TMC1: variants seen among roughly 807,000 people sequenced by gnomAD.
TMC1 encodes the protein transmembrane channel like 1, also known as transmembrane channel-like protein 1.
Under a neutral mutation model 105.8 loss-of-function variants are expected in TMC1, and 84 were observed. That is an observed-to-expected ratio of 0.79 (90% CI 0.67 to 0.95). TMC1 has a LOEUF of 0.95. TMC1 is among the 40% of genes least tolerant of loss of function. The pLI, the probability that TMC1 is intolerant of heterozygous loss-of-function variation, is 0.00. For synonymous variants in TMC1, 315 were observed against 311.5 expected (o/e 1.01, Z -0.12); for missense variants, 817 against 914.1 (o/e 0.89, Z 1.37).
At chr9:72,679,613 A>C (rs1459755193) in intron 5 of TMC1, among the ~76,000 whole-genome samples, 3 of 152,022 alleles carry the variant, frequency 2.0e-5, no homozygotes, top group African/African-American at 7.2e-5. Context: ...GAGAGCCTAC[A>C]CTCTGGTTCA....
At chr9:72,685,341 C>G (rs1243579102) in intron 5 of TMC1, among the ~76,000 whole-genome samples, 1 of 147,828 alleles carries the variant, frequency 6.8e-6, no homozygotes, top group African/African-American at 2.5e-5. Context: ...CTCCTGACCT[C>G]ATGATCCACC....
At chr9:72,799,115 A>G (rs1828425342) in intron 17 of TMC1, among the ~76,000 whole-genome samples, 1 of 152,104 alleles carries the variant, frequency 6.6e-6, no homozygotes. Flanking sequence ...GTATTTTTAT[A>G]CAAATCCAAT....
intron 20 of TMC1, among the ~76,000 whole-genome samples, chr9:72,825,610 CAGCTATG>C (rs1828939295): frequency 6.6e-6 from 1 of 152,154 alleles, no homozygotes; most frequent in Non-Finnish European, 1.5e-5. Flanking sequence ...CTACGTTCAT[CAGCTATG>C]ACCTGAGGTG....
At chr9:72,620,226 G>A (rs1825221967) in intron 3 of TMC1, among the ~76,000 whole-genome samples, 1 of 151,920 alleles carries the variant, frequency 6.6e-6, no homozygotes, top group Non-Finnish European at 1.5e-5. Context: ...AGTACAAAAT[G>A]TGGTTATGTT....
At chr9:72,707,884 T>C (rs1046016212) in intron 8 of TMC1, among the ~76,000 whole-genome samples, 1 of 152,234 alleles carries the variant, frequency 6.6e-6, no homozygotes, top group Non-Finnish European at 1.5e-5. Context: ...AGAATTTTTA[T>C]AGTTTCAAGT....
At chr9:72,580,684 T>C (rs970563235) in intron 2 of TMC1, among the ~76,000 whole-genome samples, 1 of 152,218 alleles carries the variant, frequency 6.6e-6, no homozygotes, top group Non-Finnish European at 1.5e-5. Context: ...AAAAACTTAC[T>C]GGCATTCTGC....
intron 23 of TMC1, among the ~76,000 whole-genome samples, chr9:72,833,964 T>G (rs1829080039): frequency 6.6e-6 from 1 of 152,092 alleles, no homozygotes; most frequent in African/African-American, 2.4e-5. Context: ...ATCAATGGAC[T>G]TTTGCTCTTT....
chr9:72,747,881 A>G (rs1827517782), intron 10 of TMC1, among the ~76,000 whole-genome samples: 1 of 152,198 alleles, frequency 6.6e-6, no homozygotes, highest in Non-Finnish European at 1.5e-5. Context: ...GGAGTGAGCC[A>G]CCGTGCCTGG....
chr9:72,778,766 T>C (rs1469547190), intron 13 of TMC1, among the ~76,000 whole-genome samples: 2 of 152,224 alleles, frequency 1.3e-5, no homozygotes, highest in Non-Finnish European at 2.9e-5. Flanking sequence ...CTGAGGTTCA[T>C]GCCAGGCTGT....
At chr9:72,647,858 G>A (rs192101148) in intron 4 of TMC1, among the ~76,000 whole-genome samples, 15 of 152,074 alleles carry the variant, frequency 9.9e-5, no homozygotes, top group Non-Finnish European at 1.8e-4. Flanking sequence ...GCCAGCGTCC[G>A]TACTCTCAAA....
intron 1 of TMC1, among the ~76,000 whole-genome samples, chr9:72,540,393 A>C (rs556940646): frequency 4.6e-5 from 7 of 152,180 alleles, no homozygotes; most frequent in Admixed American, 4.6e-4. Context: ...CCTAAGGTAC[A>C]ATGGCAGAGA....
chr9:72,707,435 T>C (rs570115914), intron 8 of TMC1, among the ~76,000 whole-genome samples: 87 of 152,304 alleles, frequency 5.7e-4, no homozygotes, highest in Non-Finnish European at 9.4e-4. Context: ...TTTTTTGATG[T>C]TTTGATTATG....
chr9:72,752,570 G>A (rs1827597877), intron 11 of TMC1, among the ~76,000 whole-genome samples: 1 of 152,096 alleles, frequency 6.6e-6, no homozygotes, highest in Admixed American at 6.5e-5. Flanking sequence ...ACAAAGCCCT[G>A]AGCTAATGTG....
chr9:72,802,333 A>G (rs1193705101), intron 17 of TMC1, among the ~76,000 whole-genome samples: 1 of 152,216 alleles, frequency 6.6e-6, no homozygotes, highest in Non-Finnish European at 1.5e-5. Flanking sequence ...TAGGAAGGAG[A>G]AAAATTATGT....
chr9:72,543,657 C>T (rs1471246213), intron 1 of TMC1, among the ~76,000 whole-genome samples: 6 of 152,128 alleles, frequency 3.9e-5, no homozygotes, highest in African/African-American at 1.4e-4. Flanking sequence ...GTGGTGGGTG[C>T]CTGTAATCCC....
rs145346236 is a variant in TMC1, at chr9:72,526,118, G to A, written c.-428+4205G>A. Among the ~76,000 whole-genome samples the A allele has an allele frequency of 3.9e-5, 6 of 152,340 alleles. No individual in the cohort carries two copies. In the East Asian group the frequency reaches 9.6e-4, roughly 24 times the overall value. On this transcript the variant is annotated intron_variant, in intron 1 of 23. Coordinates refer to ENST00000297784, the MANE Select transcript of TMC1 (RefSeq NM_138691.3). ...GCTTTGGGGGCTGGGGGCGTGGGGT[G>A]TAAGTGTGTGTGTCCTCTAGAAGAA...
At chr9:72,763,085 C>CTTTTTT (rs148498655) in intron 12 of TMC1, among the ~76,000 whole-genome samples, 50 of 109,416 alleles carry the variant, frequency 4.6e-4, no homozygotes, top group East Asian at 8.2e-4. Context: ...CTAGCGATGC[C>CTTTTTT]TTTTTTTTTT....
intron 8 of TMC1, among the ~76,000 whole-genome samples, chr9:72,704,086 T>C (rs896755140): frequency 2.6e-5 from 4 of 152,172 alleles, no homozygotes; most frequent in Admixed American, 1.3e-4. Flanking sequence ...ATGCCACCAA[T>C]GCTTGGGAGT....
chr9:72,807,069 C>T (rs1017218483), intron 18 of TMC1, among the ~76,000 whole-genome samples: 5 of 152,230 alleles, frequency 3.3e-5, no homozygotes, highest in African/African-American at 1.2e-4. Context: ...GGAGACTGGC[C>T]TGGCCAACAC....
Sources: allele counts gnomAD v4.1 joint callset (sites outside exome capture counted in the v4.1 genomes callset), GRCh38; gene constraint gnomAD v4.1.1; transcripts MANE v1.5; gene names NCBI Gene and HGNC (gene_info 2026-07-23, HGNC 2026-07-21).